Variants in KCNQ5 observed in about 807,000 individuals in gnomAD.
KCNQ5 encodes the protein potassium voltage-gated channel subfamily KQT member 5.
A neutral mutation model predicts 98.2 loss-of-function variants in KCNQ5; 30 were observed. The ratio of observed to expected loss-of-function variants is 0.31; its 90% CI spans 0.23 to 0.41. The LOEUF (loss-of-function observed/expected upper bound fraction) is 0.41. Among genes scored for constraint, KCNQ5 ranks in the 10% least tolerant of loss-of-function variants. The pLI, the probability that KCNQ5 is intolerant of heterozygous loss-of-function variation, is 1.00. For missense variants in KCNQ5, 835 were observed against 1,182.5 expected (o/e 0.71, Z 4.31); for synonymous variants, 458 against 449.4 (o/e 1.02, Z -0.24).
At chr6:72,937,151 A>G (rs1386234625) in intron 1 of KCNQ5, among the ~76,000 whole-genome samples, 1 of 152,228 alleles carries the variant, frequency 6.6e-6, no homozygotes, top group African/African-American at 2.4e-5. Context: ...ATAATGCTCT[A>G]TAAAAAGGAA....
In KCNQ5 at chr6:72,622,238, T is replaced by C. The variant is rs971617867; in HGVS notation, c.49T>C (p.Trp17Arg). Residue 17 changes from tryptophan (W) to arginine (R), a missense_variant, in exon 1 of 14, where the codon TGG becomes CGG. Transcript: ENST00000370398. The surrounding 1 kb of genome is among the most constrained non-coding windows in gnomAD (Gnocchi z 6.0). ...GGEEGGAAGLWVKSGAAAAAA... is the reference protein window; with the variant it reads ...GGEEGGAAGLRVKSGAAAAAA... The stretch of plus-strand genomic sequence containing the variant: ...AGAGGAGGGCGGCGCCGCCGGGCTC[T>C]GGGTGAAGAGCGGCGCAGCGGCGGC... 1.6e-6 allele frequency: 2 copies of C among 1,244,750 alleles called. No homozygotes were observed. Among genetic ancestry groups the C allele is most frequent in the Non-Finnish European group, 2.0e-6 (2 of 997,020 alleles). 77.1% of individuals were successfully genotyped at this position (1,244,750 alleles called of 1,614,324 possible).
chr6:72,762,030 C>T (rs1433958874), intron 1 of KCNQ5, among the ~76,000 whole-genome samples: 2 of 152,032 alleles, frequency 1.3e-5, no homozygotes, highest in Admixed American at 6.6e-5. Context: ...GCGATCTTAT[C>T]GCTAGAGCTG....
intron 1 of KCNQ5, among the ~76,000 whole-genome samples, chr6:72,703,664 A>G (rs570437367): frequency 6.6e-6 from 1 of 152,366 alleles, no homozygotes; most frequent in Admixed American, 6.5e-5. Flanking sequence ...TAGGTGGTGT[A>G]GACGTATGTC....
intron 1 of KCNQ5, chr6:72,986,882 G>T (rs969855231): frequency 2.3e-6 from 2 of 882,244 alleles, no homozygotes; most frequent in African/African-American, 1.7e-5. Context: ...CGAGGCTGGG[G>T]ATGCTGCGGA....
intron 1 of KCNQ5, among the ~76,000 whole-genome samples, chr6:72,771,126 G>A (rs918125503): frequency 6.6e-6 from 1 of 152,082 alleles, no homozygotes; most frequent in East Asian, 1.9e-4. Flanking sequence ...GAGTGGGGAT[G>A]AAAGTGAGAG....
At chr6:72,823,580 CA>C (rs1775854951) in intron 1 of KCNQ5, among the ~76,000 whole-genome samples, 1 of 152,078 alleles carries the variant, frequency 6.6e-6, no homozygotes, top group Non-Finnish European at 1.5e-5. Context: ...GCCTATAAGC[CA>C]ATAGCAGCTG....
At chr6:72,642,450 GCAAACAGATACTTTT>G (rs531280547) in intron 1 of KCNQ5, among the ~76,000 whole-genome samples, 67 of 151,962 alleles carry the variant, frequency 4.4e-4, no homozygotes, top group Non-Finnish European at 7.7e-4. Flanking sequence ...ATTAAGTCCA[GCAAACAGATACTTTT>G]CAAAAGAAAA....
intron 1 of KCNQ5, among the ~76,000 whole-genome samples, chr6:72,727,714 G>A (rs1770359229): frequency 6.6e-6 from 1 of 152,146 alleles, no homozygotes; most frequent in Non-Finnish European, 1.5e-5. Context: ...TATTCAGGAA[G>A]TATTTATTTC....
At chr6:72,704,363 C>T (rs908087705) in intron 1 of KCNQ5, among the ~76,000 whole-genome samples, 2 of 151,946 alleles carry the variant, frequency 1.3e-5, no homozygotes, top group African/African-American at 4.8e-5. Context: ...AATACATTCA[C>T]AATGTGCATG....
chr6:73,098,432 A>G (rs951799142), intron 5 of KCNQ5, among the ~76,000 whole-genome samples: 1 of 152,202 alleles, frequency 6.6e-6, no homozygotes, highest in African/African-American at 2.4e-5. Flanking sequence ...AACACCAAAC[A>G]GATTTAACCT....
chr6:72,982,487 C>CTTTTTTTTTTTTTTTT (rs141947372), intron 1 of KCNQ5, among the ~76,000 whole-genome samples: 1 of 60,290 alleles, frequency 1.7e-5, no homozygotes, highest in African/African-American at 7.3e-5. Flanking sequence ...GCAACCCCTG[C>CTTTTTTTTTTTTTTTT]TTTTTTTTTT....
intron 1 of KCNQ5, among the ~76,000 whole-genome samples, chr6:72,964,793 C>G (rs1300810368): frequency 6.6e-6 from 1 of 152,056 alleles, no homozygotes; most frequent in Non-Finnish European, 1.5e-5. Context: ...TACAGAGCAA[C>G]AAAAAAATTT....
chr6:73,033,226 A>G (rs1018731174), intron 2 of KCNQ5, among the ~76,000 whole-genome samples: 1 of 152,110 alleles, frequency 6.6e-6, no homozygotes, highest in Non-Finnish European at 1.5e-5. Context: ...TCCTGCCTCC[A>G]GCCCATATGG....
chr6:73,012,391 TTA>T (rs1770104827), intron 2 of KCNQ5, among the ~76,000 whole-genome samples: 1 of 152,066 alleles, frequency 6.6e-6, no homozygotes, highest in African/African-American at 2.4e-5. Flanking sequence ...ATGATTCCAC[TTA>T]TATGAGTGAG....
At chr6:72,742,663 A>G (rs1363699323) in intron 1 of KCNQ5, among the ~76,000 whole-genome samples, 1 of 152,310 alleles carries the variant, frequency 6.6e-6, no homozygotes, top group East Asian at 1.9e-4. Context: ...CCTGACCTCA[A>G]TGATATATTT....
At chr6:72,933,949 C>T (rs2150231914) in intron 1 of KCNQ5, among the ~76,000 whole-genome samples, 1 of 152,150 alleles carries the variant, frequency 6.6e-6, no homozygotes, top group East Asian at 1.9e-4. Flanking sequence ...TGTAATTAAA[C>T]AAGTAAACAA....
intron 6 of KCNQ5, among the ~76,000 whole-genome samples, chr6:73,111,021 A>G (rs1775223384): frequency 6.6e-6 from 1 of 152,242 alleles, no homozygotes; most frequent in African/African-American, 2.4e-5. Context: ...GATTTTATTT[A>G]TAATCATGGT....
chr6:72,924,679 C>T (rs1244223878), intron 1 of KCNQ5, among the ~76,000 whole-genome samples: 1 of 152,198 alleles, frequency 6.6e-6, no homozygotes, highest in African/African-American at 2.4e-5. Flanking sequence ...CTTCCACTCG[C>T]ATACCACACA....
chr6:72,724,162 T>C (rs1260734764), intron 1 of KCNQ5, among the ~76,000 whole-genome samples: 1 of 152,156 alleles, frequency 6.6e-6, no homozygotes, highest in South Asian at 2.1e-4. Context: ...GTAAGACATA[T>C]AAAATAGCTC....
Sources: gnomAD v4.1 joint callset for allele counts (sites outside exome capture counted in the v4.1 genomes callset) on GRCh38, gnomAD v4.1.1 for gene constraint, Gnocchi (gnomAD v3.1) non-coding constraint, MANE v1.5 for transcripts, NCBI Gene and HGNC (gene_info 2026-07-23, HGNC 2026-07-21) for gene names.